The following SF3B2 variants were observed in gnomAD, a reference collection of about 807,000 sequenced individuals.
SF3B2 encodes the protein SAP 145.
A neutral mutation model predicts 116.3 loss-of-function variants in SF3B2; 22 were observed. The ratio of observed to expected loss-of-function variants is 0.19; its 90% CI spans 0.14 to 0.27. The LOEUF (loss-of-function observed/expected upper bound fraction) is 0.27. SF3B2 is among the 10% of genes least tolerant of loss of function. SF3B2 has a pLI of 1.00. For missense variants in SF3B2, 767 were observed against 1,151.4 expected (o/e 0.67, Z 4.83); for synonymous variants, 406 against 421.6 (o/e 0.96, Z 0.45).
chr11:66,063,824 A>G, intron 19 of SF3B2, 95 bp downstream of exon 19: 3 of 1,016,634 alleles, frequency 3.0e-6, no homozygotes, highest in Non-Finnish European at 2.8e-6. Flanking sequence ...CCTTTTTTAA[A>G]CAATTATTGA....
intron 19 of SF3B2, 27 bp downstream of exon 19, chr11:66,063,756 G>A: frequency 6.5e-7 from 1 of 1,543,970 alleles, no homozygotes; most frequent in African/African-American, 1.4e-5. Context: ...GGGCTGAGAG[G>A]GGAGGACCTT....
In SF3B2 at chr11:66,059,348, A is replaced by G; in HGVS notation, c.1320+10A>G. On this transcript the variant is annotated intron_variant, in intron 11 of 21. Coordinates refer to ENST00000322535, the MANE Select transcript of SF3B2 (RefSeq NM_006842.3). This position sits in a 1 kb window ranked among gnomAD's most constrained non-coding sequence, Gnocchi z 5.0. ...CAGTGATGACGAGCAGGTCAGGCCC[A>G]GCCCTCCTGGTGGGAAGCAGGGACT... The G allele has an allele frequency of 6.2e-7, 1 of 1,613,876 alleles. No individual in the cohort carries two copies. Among genetic ancestry groups the G allele is most frequent in the South Asian group, 1.1e-5 (1 of 91,040 alleles).
Position 66,063,445 on chromosome 11 carries a change from C to G in SF3B2, c.2131C>G (p.Leu711Val). 1 of 1,614,076 alleles carries G rather than the reference C, an allele frequency of 6.2e-7. No individual in the cohort carries two copies. Among genetic ancestry groups the G allele is most frequent in the Non-Finnish European group, 8.5e-7 (1 of 1,179,972 alleles). ...EEIDRTPWGE[L>V]EPSDEESSEE... ...GATTGATCGGACCCCTTGGGGGGAACTGGAACCATCTGATGAAGAATCCTC... is the reference window on the plus strand; with the variant it reads ...GATTGATCGGACCCCTTGGGGGGAAGTGGAACCATCTGATGAAGAATCCTC... Residue 711 changes from leucine to valine, a missense_variant, in exon 18 of 22, where the codon CTG (leucine) becomes GTG (valine). Leu to Val is a conservative substitution (Grantham distance 32, BLOSUM62 1). Around this residue, in one of 4 missense-constraint regions of SF3B2, gnomAD observed 282 missense variants for 568.0 expected, o/e 0.50. Transcript: ENST00000322535.
intron 7 of SF3B2, 61 bp from the exon 8 acceptor site, chr11:66,057,991 GAA>G: frequency 1.7e-6 from 2 of 1,168,170 alleles, no homozygotes; most frequent in South Asian, 1.5e-5. Context: ...AAAAAAGAAA[GAA>G]AGAAAAAAAA....
chr11:66,057,446 G>A, intron 7 of SF3B2, 71 bp downstream of exon 7: 1 of 790,606 alleles, frequency 1.3e-6, no homozygotes, highest in Non-Finnish European at 2.2e-6. Context: ...TGGATTTTTA[G>A]AGAAAGGTTC....
At chr11:66,066,314 TC>T (rs1439888736) in intron 19 of SF3B2, 6 of 152,176 alleles carry the variant, frequency 3.9e-5, no homozygotes, top group African/African-American at 1.4e-4. Context: ...TTTTTTCTTT[TC>T]CTTTCTTTTT....
chr11:66,063,282 G>C (rs1857127019), intron 17 of SF3B2, 118 bp from the exon 18 acceptor site: 1 of 1,114,754 alleles, frequency 9.0e-7, no homozygotes, highest in Non-Finnish European at 1.3e-6. Context: ...TAGAATTTGA[G>C]CTCTAGGTAG....
intron 2 of SF3B2, 85 bp from the exon 3 acceptor site, chr11:66,052,942 A>G: frequency 1.4e-6 from 2 of 1,384,704 alleles, no homozygotes; most frequent in Admixed American, 3.4e-5. Context: ...GGCACTGGGT[A>G]CGTTTTGTTG....
intron 16 of SF3B2, 57 bp downstream of exon 16, chr11:66,062,055 AT>A (rs1044248323): frequency 7.7e-7 from 1 of 1,293,828 alleles, no homozygotes. Flanking sequence ...CTGGAAGGTA[AT>A]TTGTTTGTTT....
At chr11:66,067,378 C>A (rs1857206646) in intron 19 of SF3B2, 1 of 456,062 alleles carries the variant, frequency 2.2e-6, no homozygotes, top group Non-Finnish European at 4.4e-6. Flanking sequence ...AAGGTATTTT[C>A]TCTGGCTCCT....
chr11:66,065,786 G>A (rs1857172429), intron 19 of SF3B2: 1 of 152,108 alleles, frequency 6.6e-6, no homozygotes, highest in South Asian at 2.1e-4. Flanking sequence ...CTTTCTAGAA[G>A]TTTGATTTCG....
rs147477806 is a variant in SF3B2, at chr11:66,059,845, G to A, written c.1465G>A (p.Val489Ile). Residue 489 changes from valine to isoleucine, a missense_variant, in exon 13 of 22, where the codon GTT becomes ATT. Physicochemically the swap from Val to Ile is conservative, Grantham distance 29. Coordinates refer to ENST00000322535, the MANE Select transcript of SF3B2 (RefSeq NM_006842.3). This position sits in a 1 kb window ranked among gnomAD's most constrained non-coding sequence, Gnocchi z 5.0. Reference protein sequence around the residue: ...DVTAQDPKLLVHLKATRNSVP... With the variant: ...DVTAQDPKLLIHLKATRNSVP... ...GACAGCGCAGGACCCTAAGCTCTTG[G>A]TTCACCTCAAGGCCACTCGGAACTC... is the stretch of plus-strand genomic sequence containing the variant. 33 of 1,614,092 alleles carry A rather than the reference G, an allele frequency of 2.0e-5. No homozygotes were observed. Among genetic ancestry groups the A allele is most frequent in the African/African-American group, 2.7e-5 (2 of 74,926 alleles).
At position 66,057,273 on chromosome 11, in the gene SF3B2, T is replaced by TCCAGTGGGC. The variant is rs767486871; in HGVS notation, c.687_695dup (p.Val230_Pro232dup). On this transcript the variant is annotated inframe_insertion, in exon 7 of 22. Coordinates refer to ENST00000322535, the MANE Select transcript of SF3B2 (RefSeq NM_006842.3). ...CTTTTTCCCGTCTCTTAGTAGCTGC[T>TCCAGTGGGC]CCAGTGGGCCCAGTGGGCCCCACTC... is the stretch of plus-strand genomic sequence containing the variant. 8 of 1,597,982 alleles carry TCCAGTGGGC rather than the reference T, an allele frequency of 5.0e-6. No homozygotes were observed. Among genetic ancestry groups the TCCAGTGGGC allele is most frequent in the South Asian group, 1.1e-5 (1 of 90,802 alleles).
intron 4 of SF3B2, 77 bp from the exon 5 acceptor site, chr11:66,055,458 G>T: frequency 1.2e-6 from 2 of 1,600,054 alleles, no homozygotes; most frequent in Admixed American, 1.7e-5. Flanking sequence ...ACTGGAAGAG[G>T]ATCTCAAGAA....
intron 7 of SF3B2, 47 bp from the exon 8 acceptor site, chr11:66,058,007 A>C (rs201543029): frequency 1.5e-6 from 2 of 1,335,864 alleles, no homozygotes; most frequent in Admixed American, 2.5e-5. Context: ...AAAAAAAAAG[A>C]AAAAGGGCAC....
chr11:66,067,854 C>T (rs1293233731), intron 19 of SF3B2, 92 bp from the exon 20 acceptor site: 3 of 973,068 alleles, frequency 3.1e-6, no homozygotes, highest in Non-Finnish European at 4.8e-6. Flanking sequence ...CTCCAAGGCG[C>T]TGAGTGGAGG....
In SF3B2 at chr11:66,059,070, G is replaced by T. The variant is rs765821090; in HGVS notation, c.1182+25G>T. 1 of 1,610,848 alleles carries T rather than the reference G, an allele frequency of 6.2e-7. No homozygotes were observed. Among genetic ancestry groups the T allele is most frequent in the Non-Finnish European group, 8.5e-7 (1 of 1,177,362 alleles). On this transcript the variant is annotated intron_variant, in intron 10 of 21. Transcript: ENST00000322535. This position sits in a 1 kb window ranked among gnomAD's most constrained non-coding sequence, Gnocchi z 5.0. The stretch of plus-strand genomic sequence containing the variant: ...GGTACAAGGAGAGCACACTAGGAAG[G>T]GGCAGTGCCAAACAGGGAAGGGGCT...
rs537053345 is a variant in SF3B2, at chr11:66,055,461, C to T, written c.499-74C>T. On this transcript the variant is annotated intron_variant, in intron 4 of 21. Coordinates refer to ENST00000322535, the MANE Select transcript of SF3B2 (RefSeq NM_006842.3). Reference sequence around the variant, plus strand: ...CATGGGCCCTTGACTGGAAGAGGATCTCAAGAAGCAAGAGTTGTGGCAGAT... The same window carrying T: ...CATGGGCCCTTGACTGGAAGAGGATTTCAAGAAGCAAGAGTTGTGGCAGAT... The T allele has an allele frequency of 5.3e-5, 85 of 1,600,680 alleles. No individual in the cohort carries two copies. In the South Asian group the frequency reaches 7.7e-4, roughly 15 times the overall value.
intron 19 of SF3B2, among the ~76,000 whole-genome samples, chr11:66,064,425 T>C (rs1857146008): frequency 6.6e-6 from 1 of 152,212 alleles, no homozygotes; most frequent in Non-Finnish European, 1.5e-5. Context: ...TTAAGAGCCA[T>C]TATAGTATAC....
Sources: allele counts gnomAD v4.1 joint callset (sites outside exome capture counted in the v4.1 genomes callset), GRCh38; gene constraint gnomAD v4.1.1; regional missense constraint gnomAD v4.1.1; non-coding constraint Gnocchi (gnomAD v3.1); transcripts MANE v1.5; gene names NCBI Gene and HGNC (gene_info 2026-07-23, HGNC 2026-07-21).